Variants in IPO7 observed in about 807,000 individuals in gnomAD.
IPO7 encodes importin 7.
Under a neutral mutation model 136.4 loss-of-function variants are expected in IPO7, and 13 were observed. That is an observed-to-expected ratio of 0.10 (90% CI 0.06 to 0.15). The LOEUF is 0.15. Among genes scored for constraint, IPO7 ranks in the 10% least tolerant of loss-of-function variants. The pLI, the probability that IPO7 is intolerant of heterozygous loss-of-function variation, is 1.00. For missense variants in IPO7, 857 were observed against 1,240.6 expected, an observed-to-expected ratio of 0.69 and a Z score of 4.65; for synonymous variants, 403 against 404.4, an observed-to-expected ratio of 1.00 and a Z score of 0.04.
In IPO7 at chr11:9,417,169, T is replaced by A. The variant is rs769573192; in HGVS notation, c.726+21T>A. The A allele has an allele frequency of 1.6e-4, 158 of 975,314 alleles. 1 individual carries two copies. The Admixed American group carries it at 3.1e-3, about 19-fold the overall frequency. The allele number at this position is 975,314 out of a possible 1,614,324, so 60.4% of individuals were successfully genotyped here. A position where few individuals can be genotyped will look rare whatever the true frequency, so the allele number is the denominator to read the frequency against. On this transcript the variant is annotated intron_variant, in intron 6 of 24. Coordinates refer to ENST00000379719, the MANE Select transcript of IPO7 (RefSeq NM_006391.3). ...CTAATGTAAGTTTCTGTATGTTCTC[T>A]TATATTACTAAATGTAAATATTTAA...
chr11:9,423,926 TACAGTG>T, intron 10 of IPO7, 50 bp downstream of exon 10: 1 of 1,104,548 alleles, frequency 9.1e-7, no homozygotes, highest in South Asian at 1.3e-5. Context: ...TAATTAAGAT[TACAGTG>T]ATTGCATGTA....
chr11:9,425,961 A>G (rs1172471103), intron 12 of IPO7, among the ~76,000 whole-genome samples: 1 of 151,684 alleles, frequency 6.6e-6, no homozygotes, highest in Non-Finnish European at 1.5e-5. Context: ...CAGGAGAATC[A>G]CTTGAACTTG....
At chr11:9,438,044 A>G in intron 21 of IPO7, 36 bp from the exon 22 acceptor site, 4 of 1,035,556 alleles carry the variant, frequency 3.9e-6, no homozygotes, top group Non-Finnish European at 5.3e-6. Context: ...AAAAGAAAAC[A>G]GTTTTTTTTT....
intron 6 of IPO7, among the ~76,000 whole-genome samples, chr11:9,417,708 CTT>C (rs1855060797): frequency 6.8e-6 from 1 of 148,056 alleles, no homozygotes; most frequent in Non-Finnish European, 1.5e-5. Context: ...GTCTAGTTTT[CTT>C]TTTTCTTTTT....
At chr11:9,427,937 T>C (rs1855236203) in intron 12 of IPO7, among the ~76,000 whole-genome samples, 1 of 152,208 alleles carries the variant, frequency 6.6e-6, no homozygotes, top group African/African-American at 2.4e-5. Context: ...ATGTTTTTAA[T>C]GTTGATTTAA....
chr11:9,410,174 T>G, intron 4 of IPO7, 88 bp downstream of exon 4: 1 of 844,468 alleles, frequency 1.2e-6, no homozygotes. Context: ...AAAATTATAT[T>G]TAGCATAGAT....
chr11:9,425,879 CAAAA>C (rs777336158), intron 12 of IPO7, among the ~76,000 whole-genome samples: 1 of 66,976 alleles, frequency 1.5e-5, no homozygotes, highest in Non-Finnish European at 3.1e-5. Context: ...ACTCTGTCTC[CAAAA>C]AAAAAAAAAA....
At chr11:9,387,919 G>A (rs1197494916) in intron 1 of IPO7, among the ~76,000 whole-genome samples, 2 of 150,260 alleles carry the variant, frequency 1.3e-5, no homozygotes, top group African/African-American at 2.4e-5. Flanking sequence ...AGTCCGAGGC[G>A]GGCGGATCAC....
chr11:9,438,054 T>TGG lies in IPO7; in HGVS notation c.2490-26_2490-25insGG, dbSNP rs767049374. ...TTAAGAAAAGAAAACAGTTTTTTTT[T>TGG]TTTTTTTTTTTTTTTTTTTTTTTAG... On this transcript the variant is annotated intron_variant, in intron 21 of 24. Coordinates refer to ENST00000379719, the MANE Select transcript of IPO7 (RefSeq NM_006391.3). The TGG allele has an allele frequency of 8.3e-6, 4 of 479,638 alleles. No individual in the cohort carries two copies. The African/African-American group carries it at 1.1e-4, about 13-fold the overall frequency. 29.7% of individuals were successfully genotyped at this position (479,638 alleles called of 1,614,324 possible). A position where few individuals can be genotyped will look rare whatever the true frequency, so the allele number is the denominator to read the frequency against.
intron 23 of IPO7, among the ~76,000 whole-genome samples, chr11:9,441,120 C>G (rs188721509): frequency 5.7e-4 from 87 of 152,316 alleles, no homozygotes; most frequent in Admixed American, 1.8e-3. Flanking sequence ...GATGTGTTAA[C>G]TAATTTAATC....
At chr11:9,438,044 A>ATTTTTTT in intron 21 of IPO7, 36 bp from the exon 22 acceptor site, 2 of 1,035,558 alleles carry the variant, frequency 1.9e-6, no homozygotes, top group Non-Finnish European at 2.7e-6. Flanking sequence ...AAAAGAAAAC[A>ATTTTTTT]GTTTTTTTTT....
At position 9,425,005 on chromosome 11, in the gene IPO7, T is replaced by C. The variant is rs199801122; in HGVS notation, c.1218+15T>C. On this transcript the variant is annotated intron_variant, in intron 11 of 24. Transcript: ENST00000379719. ...AGAGGAAAGAGGTAGGCTTATTTAA[T>C]GTTTAGATAACTTTTCTGTATTATT... 8 of 1,509,838 alleles carry C rather than the reference T, an allele frequency of 5.3e-6. No homozygotes were observed. Among genetic ancestry groups the C allele is most frequent in the Non-Finnish European group, 7.3e-6 (8 of 1,096,730 alleles). The allele number at this position is 1,509,838 out of a possible 1,614,324, so 93.5% of individuals were successfully genotyped here.
At chr11:9,397,341 A>AAAAAAAAAAAAAATATATATATATATAT in intron 1 of IPO7, among the ~76,000 whole-genome samples, 4 of 10,760 alleles carry the variant, frequency 3.7e-4, no homozygotes, top group African/African-American at 5.0e-4. Flanking sequence ...TTTAAAAAAA[A>AAAAAAAAAAAAAATATATATATATATAT]ATATATATAT....
chr11:9,396,569 C>T (rs552977444), intron 1 of IPO7, among the ~76,000 whole-genome samples: 2 of 152,304 alleles, frequency 1.3e-5, no homozygotes, highest in African/African-American at 2.4e-5. Context: ...TTACCAGTCA[C>T]TCCGCATTCC....
At chr11:9,417,189 A>G (rs1213508343) in intron 6 of IPO7, 41 bp downstream of exon 6, 1 of 862,388 alleles carries the variant, frequency 1.2e-6, no homozygotes, top group Non-Finnish European at 1.9e-6. Flanking sequence ...AAATGTAAAT[A>G]TTTAATGATC....
rs1316739816 is a variant in IPO7 at position 9,437,661 on chromosome 11, G to A, written c.2269-93G>A. The stretch of plus-strand genomic sequence containing the variant: ...ATATTGGTCATCTAATGCTACAATA[G>A]GGTTAATTGAGGCAACAAAGAAGTT... On this transcript the variant is annotated intron_variant, in intron 20 of 24. Coordinates refer to ENST00000379719, the MANE Select transcript of IPO7 (RefSeq NM_006391.3). 6.9e-6 allele frequency: 6 copies of A among 865,736 alleles called. No individual in the cohort carries two copies. The East Asian group carries it at 1.6e-4, about 23-fold the overall frequency. The allele number at this position is 865,736 out of a possible 1,614,324, so 53.6% of individuals were successfully genotyped here.
chr11:9,438,530 CAGG>C (rs774959124), intron 22 of IPO7, among the ~76,000 whole-genome samples: 9 of 151,844 alleles, frequency 5.9e-5, no homozygotes, highest in Non-Finnish European at 8.8e-5. Flanking sequence ...GAGGCTGAGG[CAGG>C]AGAATCGCTT....
intron 5 of IPO7, among the ~76,000 whole-genome samples, chr11:9,415,068 A>G (rs908302231): frequency 9.9e-5 from 15 of 152,072 alleles, no homozygotes; most frequent in Non-Finnish European, 2.1e-4. Context: ...CTGTAATCCC[A>G]GCACTTTGGG....
chr11:9,419,731 TATG>T (rs1478176447), intron 6 of IPO7, among the ~76,000 whole-genome samples: 2 of 151,566 alleles, frequency 1.3e-5, no homozygotes, highest in Non-Finnish European at 2.9e-5. Flanking sequence ...TTACAAATAA[TATG>T]ATAATTAATA....
Sources: allele counts gnomAD v4.1 joint callset (sites outside exome capture counted in the v4.1 genomes callset), GRCh38; gene constraint gnomAD v4.1.1; transcripts MANE v1.5; gene names NCBI Gene and HGNC (gene_info 2026-07-23, HGNC 2026-07-21).